The following SCP2 variants were observed in gnomAD, a reference collection of about 807,000 sequenced individuals.
SCP2 encodes sterol carrier protein 2.
A neutral mutation model predicts 71.4 loss-of-function variants in SCP2; 48 were observed. That is an observed-to-expected ratio of 0.67 (90% CI 0.53 to 0.86). The LOEUF (loss-of-function observed/expected upper bound fraction) is 0.86. Ranked by LOEUF, SCP2 falls within the 40% of genes least tolerant of loss-of-function variation. SCP2 has a pLI of 0.00. For synonymous variants in SCP2, 220 were observed against 218.1 expected (o/e 1.01, Z -0.08); for missense variants, 560 against 655.6 (o/e 0.85, Z 1.59).
At chr1:52,963,198 A>T (rs1309828284) in intron 6 of SCP2, among the ~76,000 whole-genome samples, 2 of 152,088 alleles carry the variant, frequency 1.3e-5, no homozygotes, top group East Asian at 3.9e-4. Flanking sequence ...CTTCCTTCAT[A>T]GCACTTAGCA....
At chr1:52,996,018 G>C in intron 11 of SCP2, 2 of 1,400,656 alleles carry the variant, frequency 1.4e-6, no homozygotes, top group Non-Finnish European at 1.9e-6. Flanking sequence ...GGCTGAAGAG[G>C]AGGCCTAAGG....
At chr1:53,048,214 G>A (rs1663960961) in intron 15 of SCP2, 3 of 400,484 alleles carry the variant, frequency 7.5e-6, no homozygotes, top group Non-Finnish European at 1.4e-5. Context: ...CACCTGGCTT[G>A]TGGTCAGGGG....
At chr1:52,928,716 G>A (rs1427897280) in intron 1 of SCP2, 1 of 154,464 alleles carries the variant, frequency 6.5e-6, no homozygotes, top group Non-Finnish European at 1.5e-5. Flanking sequence ...AGGTTGCAGT[G>A]AGCTGAGATC....
chr1:52,949,872 A>G (rs540413862), intron 3 of SCP2, among the ~76,000 whole-genome samples: 18 of 152,282 alleles, frequency 1.2e-4, no homozygotes, highest in South Asian at 2.1e-4. Context: ...CTTTGAATAA[A>G]TTTTGCTTCT....
rs1657793240 is a variant in SCP2 at position 52,974,719 on chromosome 1, A to G, written c.524-50A>G. 4.5e-6 allele frequency: 4 copies of G among 885,118 alleles called. No homozygotes were observed. In the South Asian group the frequency reaches 5.2e-5, roughly 12 times the overall value. The allele number at this position is 885,118 out of a possible 1,614,324, so 54.8% of individuals were successfully genotyped here. On this transcript the variant is annotated intron_variant, in intron 6 of 15. Coordinates refer to ENST00000371514, the MANE Select transcript of SCP2 (RefSeq NM_002979.5). Reference sequence around the variant, plus strand: ...GAGTACCATTGCAAGATTTGTTAATAAGCAGCGGAAAAACATTCACCCACT... The same window carrying G: ...GAGTACCATTGCAAGATTTGTTAATGAGCAGCGGAAAAACATTCACCCACT...
intron 6 of SCP2, among the ~76,000 whole-genome samples, chr1:52,973,909 C>T (rs901552602): frequency 6.6e-6 from 1 of 152,144 alleles, no homozygotes; most frequent in African/African-American, 2.4e-5. Flanking sequence ...GCCCTGATCA[C>T]TATTTTTATT....
At chr1:52,936,457 G>C (rs532161230) in intron 1 of SCP2, among the ~76,000 whole-genome samples, 1 of 152,152 alleles carries the variant, frequency 6.6e-6, no homozygotes, top group Non-Finnish European at 1.5e-5. Context: ...TTTTGTCAAA[G>C]GGATAGAATG....
chr1:52,982,350 A>G (rs776389285), intron 10 of SCP2, among the ~76,000 whole-genome samples: 1 of 152,088 alleles, frequency 6.6e-6, no homozygotes, highest in South Asian at 2.1e-4. Context: ...GCGGGCAGAT[A>G]ACGAGGTCAG....
At chr1:53,022,298 A>G (rs1557615142) in intron 12 of SCP2, among the ~76,000 whole-genome samples, 2 of 152,216 alleles carry the variant, frequency 1.3e-5, no homozygotes, top group Non-Finnish European at 2.9e-5. Context: ...TGTGGCATAT[A>G]TCAGTACTTG....
intron 15 of SCP2, chr1:53,048,847 A>G (rs1055116536): frequency 1.3e-5 from 2 of 152,172 alleles, no homozygotes; most frequent in African/African-American, 4.8e-5. Context: ...TGAGCTTTCC[A>G]TTAATAAAAA....
intron 10 of SCP2, among the ~76,000 whole-genome samples, chr1:52,981,986 A>G (rs898094950): frequency 6.6e-6 from 1 of 151,682 alleles, no homozygotes; most frequent in South Asian, 2.1e-4. Context: ...CTTCTTTTGC[A>G]TTATTTAAAT....
chr1:53,029,156 A>G (rs945937423), intron 13 of SCP2, among the ~76,000 whole-genome samples: 1 of 152,182 alleles, frequency 6.6e-6, no homozygotes. Context: ...GGTAATAATC[A>G]TACTAAGGCA....
intron 11 of SCP2, chr1:52,994,820 C>A: frequency 5.8e-6 from 3 of 517,620 alleles, no homozygotes; most frequent in Non-Finnish European, 1.1e-5. Flanking sequence ...GAAATCGACC[C>A]CACCAGCACC....
At chr1:53,031,013 A>G (rs2150249931) in intron 13 of SCP2, among the ~76,000 whole-genome samples, 1 of 151,874 alleles carries the variant, frequency 6.6e-6, no homozygotes, top group Non-Finnish European at 1.5e-5. Flanking sequence ...ATGAAGTTGC[A>G]CTCTATAAAG....
At chr1:53,045,561 C>A (rs1326989827) in intron 14 of SCP2, among the ~76,000 whole-genome samples, 1 of 152,044 alleles carries the variant, frequency 6.6e-6, no homozygotes, top group Non-Finnish European at 1.5e-5. Context: ...GGACACGCAC[C>A]CAGGGCTAGG....
intron 1 of SCP2, among the ~76,000 whole-genome samples, chr1:52,929,309 C>G (rs1326037353): frequency 6.6e-6 from 1 of 151,110 alleles, no homozygotes; most frequent in African/African-American, 2.4e-5. Context: ...GCGATCCTAC[C>G]GAGTAGCTAG....
At chr1:53,042,350 A>G (rs1256878621) in intron 14 of SCP2, among the ~76,000 whole-genome samples, 2 of 146,314 alleles carry the variant, frequency 1.4e-5, no homozygotes, top group East Asian at 2.0e-4. Flanking sequence ...TTTTTTTTTT[A>G]ATTTCTCCTT....
chr1:52,972,370 T>C (rs1199258144), intron 6 of SCP2, among the ~76,000 whole-genome samples: 1 of 152,224 alleles, frequency 6.6e-6, no homozygotes, highest in Non-Finnish European at 1.5e-5. Flanking sequence ...TGTAAGTGAC[T>C]GGCAGAATAT....
chr1:52,961,066 C>CTTTTTTTTT (rs774047289), intron 5 of SCP2, among the ~76,000 whole-genome samples: 3 of 92,182 alleles, frequency 3.3e-5, no homozygotes, highest in East Asian at 3.1e-4. Flanking sequence ...TCCTTTGGTT[C>CTTTTTTTTT]TTTTTTTTTT....
Sources: allele counts gnomAD v4.1 joint callset (sites outside exome capture counted in the v4.1 genomes callset), GRCh38; gene constraint gnomAD v4.1.1; transcripts MANE v1.5; gene names NCBI Gene and HGNC (gene_info 2026-07-23, HGNC 2026-07-21).